The following CARS2 variants were observed in gnomAD, a reference collection of about 807,000 sequenced individuals.
CARS2 encodes cysteinyl-tRNA synthetase 2, mitochondrial.
CARS2 carries 52 observed loss-of-function variants against 68.8 expected under a neutral mutation model. That is an observed-to-expected ratio of 0.76 (90% CI 0.61 to 0.95). CARS2 has a LOEUF of 0.95. Among genes scored for constraint, CARS2 ranks in the 40% least tolerant of loss-of-function variants. The pLI, the probability that CARS2 is intolerant of heterozygous loss-of-function variation, is 0.00. For missense variants in CARS2, 780 were observed against 754.2 expected, an observed-to-expected ratio of 1.03 and a Z score of -0.40; for synonymous variants, 314 against 303.6, an observed-to-expected ratio of 1.03 and a Z score of -0.36.
At chr13:110,662,846 C>A in intron 9 of CARS2, 5 of 367,988 alleles carry the variant, frequency 1.4e-5, no homozygotes, top group South Asian at 8.3e-5. Context: ...GATCTGGATA[C>A]TATTCTTCTC....
At chr13:110,692,323 T>C (rs1264171734) in intron 3 of CARS2, among the ~76,000 whole-genome samples, 2 of 151,568 alleles carry the variant, frequency 1.3e-5, no homozygotes, top group East Asian at 3.9e-4. Context: ...TACAGAAAAT[T>C]AGATGGGCGT....
intron 3 of CARS2, among the ~76,000 whole-genome samples, chr13:110,693,781 C>A (rs375424808): frequency 6.6e-6 from 1 of 152,056 alleles, no homozygotes; most frequent in African/African-American, 2.4e-5. Context: ...GGTAGAAAGG[C>A]GCTAAAATGG....
At chr13:110,677,198 C>G in intron 6 of CARS2, 95 bp from the exon 7 acceptor site, 2 of 1,326,146 alleles carry the variant, frequency 1.5e-6, no homozygotes, top group South Asian at 3.3e-5. Flanking sequence ...CCCAGACAGT[C>G]ACCCCCACCA....
chr13:110,642,642 G>T, intron 13 of CARS2, 121 bp from the exon 14 acceptor site: 2 of 958,582 alleles, frequency 2.1e-6, no homozygotes, highest in Non-Finnish European at 3.4e-6. Context: ...CTGATTCCCT[G>T]CAGCTGGGCC....
rs113959865 is a variant in CARS2 at position 110,647,068 on chromosome 13, G to T, written c.1193+33C>A. The T allele has an allele frequency of 1.5e-5, 23 of 1,532,856 alleles. No homozygotes were observed. In the African/African-American group the frequency reaches 2.6e-4, roughly 17 times the overall value. The allele number at this position is 1,532,856 out of a possible 1,614,324, so 95.0% of individuals were successfully genotyped here. ...GCAGCACCCAGCAGGCCACAGGAGG[G>T]GTGCCACGCCGGGTGCTAGGCGGGC... On this transcript the variant is annotated intron_variant, in intron 11 of 14. Coordinates refer to ENST00000257347, the MANE Select transcript of CARS2 (RefSeq NM_024537.4).
chr13:110,703,805 C>A (rs986647384), intron 2 of CARS2, among the ~76,000 whole-genome samples: 1 of 152,250 alleles, frequency 6.6e-6, no homozygotes, highest in African/African-American at 2.4e-5. Flanking sequence ...TCTGACTCCA[C>A]ACTGTAACTC....
At chr13:110,654,124 G>T (rs964495481) in intron 9 of CARS2, among the ~76,000 whole-genome samples, 1 of 152,200 alleles carries the variant, frequency 6.6e-6, no homozygotes, top group Admixed American at 6.5e-5. Flanking sequence ...CAGGGAGCCC[G>T]CTGGGTACAC....
chr13:110,654,510 G>A (rs1319770145), intron 9 of CARS2, among the ~76,000 whole-genome samples: 9 of 151,904 alleles, frequency 5.9e-5, no homozygotes, highest in South Asian at 2.1e-4. Flanking sequence ...GGGTAGGTGC[G>A]AGCTACCAAA....
upstream of CARS2, among the ~76,000 whole-genome samples, chr13:110,709,697 T>G (rs370903506): frequency 6.6e-6 from 1 of 152,100 alleles, no homozygotes; most frequent in South Asian, 2.1e-4. Context: ...CTTGTGATTA[T>G]GTAAGTTAGT....
In CARS2 at chr13:110,642,463, C is replaced by T. The variant is rs564455691; in HGVS notation, c.1475G>A (p.Arg492Gln). The T allele has an allele frequency of 5.3e-5, 86 of 1,609,530 alleles. No individual in the cohort carries two copies. In the Admixed American group the frequency reaches 5.4e-4, roughly 10 times the overall value. ...TLHGVVDELV[R>Q]FRQKVRQFAL... is the part of the protein sequence containing the mutation. ...AAACTGCCGGACCTTCTGCCGGAACCGCACCAGCTCGTCCACCACACCATG... is the reference window on the plus strand; with the variant it reads ...AAACTGCCGGACCTTCTGCCGGAACTGCACCAGCTCGTCCACCACACCATG... Residue 492 changes from arginine to glutamine, a missense_variant, in exon 14 of 15, where the codon CGG (arginine) becomes CAG (glutamine). Transcript: ENST00000257347.
In CARS2 at chr13:110,663,523, A is replaced by C; in HGVS notation, c.920-5T>G. 6.2e-7 allele frequency: 1 copy of C among 1,613,732 alleles called. No homozygotes were observed. The highest frequency in any genetic ancestry group is 8.5e-7 in the Non-Finnish European group (1 of 1,179,884). On this transcript the variant is annotated splice_polypyrimidine_tract_variant and splice_region_variant and intron_variant, in intron 8 of 14. Coordinates refer to ENST00000257347, the MANE Select transcript of CARS2 (RefSeq NM_024537.4). ...TGCCTTTGGCGTGCAAATGCCCTGA[A>C]ACAAAAACAAAAGCATTCAGTCTGA...
chr13:110,641,412 C>A (rs894539200), downstream of CARS2: 4 of 770,520 alleles, frequency 5.2e-6, no homozygotes, highest in Admixed American at 1.8e-5. Context: ...GCCAGTGGGA[C>A]ACTGTTGGTT....
upstream of CARS2, among the ~76,000 whole-genome samples, chr13:110,707,808 A>C (rs548109832): frequency 5.3e-5 from 8 of 152,342 alleles, no homozygotes; most frequent in African/African-American, 1.9e-4. Context: ...GCAAAGGTTT[A>C]AGTAGAGACA....
intron 7 of CARS2, among the ~76,000 whole-genome samples, chr13:110,673,681 C>A (rs532459215): frequency 1.2e-4 from 19 of 152,188 alleles, no homozygotes; most frequent in African/African-American, 4.3e-4. Context: ...TCTCACCACT[C>A]CTATTTAACA....
At position 110,705,983 on chromosome 13, in the gene CARS2, C is replaced by A. The variant is rs761383882; in HGVS notation, c.111G>T (p.Gly37=). ...HWPAGRAASG[G]RGRAWLQPTG... ...TGGGCTGCAGCCAGGCCCGCCCGCG[C>A]CCCCCGCTCGCCGCCCGGCCCGCAG... The change falls in exon 1 of 15, where the codon GGG becomes GGT. Residue 37 remains glycine (G), a synonymous_variant. Transcript: ENST00000257347. The surrounding 1 kb of genome is among the most constrained non-coding windows in gnomAD (Gnocchi z 4.0). The A allele has an allele frequency of 1.3e-6, 2 of 1,506,618 alleles. No homozygotes were observed. The highest frequency in any genetic ancestry group is 2.5e-5 in the South Asian group (2 of 80,230). 93.3% of individuals were successfully genotyped at this position (1,506,618 alleles called of 1,614,324 possible).
chr13:110,674,603 C>T (rs186292302), intron 7 of CARS2, among the ~76,000 whole-genome samples: 10 of 152,214 alleles, frequency 6.6e-5, no homozygotes, highest in Non-Finnish European at 1.2e-4. Context: ...ACCATAAAAA[C>T]CCTAGAAGAA....
intron 3 of CARS2, among the ~76,000 whole-genome samples, chr13:110,689,057 AATCAAT>A (rs2063384472): frequency 6.6e-6 from 1 of 152,262 alleles, no homozygotes; most frequent in African/African-American, 2.4e-5. Flanking sequence ...AAAACAGTCC[AATCAAT>A]TCCAAATGTG....
At position 110,663,517 on chromosome 13, in the gene CARS2, C is replaced by A; in HGVS notation, c.921G>T (p.Gly307=). The A allele has an allele frequency of 4.3e-6, 7 of 1,613,710 alleles. 1 individual carries two copies. The Admixed American group carries it at 1.0e-4, about 23-fold the overall frequency. ...CTTCTTTGCCTTTGGCGTGCAAATG[C>A]CCTGAAACAAAAACAAAAGCATTCA... is the stretch of plus-strand genomic sequence containing the variant. ...EQWGNYFLHS[G]HLHAKGKEEK... Residue 307 remains glycine (G), a splice_region_variant and synonymous_variant, in exon 9 of 15, where the codon GGG becomes GGT. Transcript: ENST00000257347.
chr13:110,651,204 C>T (rs985604680), intron 9 of CARS2, 104 bp from the exon 10 acceptor site: 3 of 724,950 alleles, frequency 4.1e-6, no homozygotes, highest in Non-Finnish European at 6.6e-6. Context: ...CTCTACCTAT[C>T]AAGAAATCAG....
Sources: gnomAD v4.1 joint callset for allele counts (sites outside exome capture counted in the v4.1 genomes callset) on GRCh38, gnomAD v4.1.1 for gene constraint, Gnocchi (gnomAD v3.1) non-coding constraint, MANE v1.5 for transcripts, NCBI Gene and HGNC (gene_info 2026-07-23, HGNC 2026-07-21) for gene names.